RIC3: variants seen among roughly 807,000 people sequenced by gnomAD.
RIC3 encodes the protein RIC3 acetylcholine receptor chaperone.
A neutral mutation model predicts 27.3 loss-of-function variants in RIC3; 28 were observed. The observed-to-expected ratio is 1.02, with a 90% CI of 0.76 to 1.41. The LOEUF is 1.41. Ranked by LOEUF, RIC3 falls within the 40% of genes most tolerant of loss-of-function variation. The probability of loss-of-function intolerance (pLI) is 0.00; values close to 1 mark genes in which losing one functional copy is unlikely to be tolerated. For missense variants in RIC3, 501 were observed against 444.7 expected (o/e 1.13, Z -1.14); for synonymous variants, 184 against 160.4 (o/e 1.15, Z -1.11).
intron 5 of RIC3, among the ~76,000 whole-genome samples, chr11:8,113,222 A>G (rs1350483200): frequency 6.6e-6 from 1 of 152,226 alleles, no homozygotes; most frequent in Non-Finnish European, 1.5e-5. Flanking sequence ...GCTTAAAAGA[A>G]GTCCATTTGC....
At chr11:8,126,577 T>C in intron 5 of RIC3, 82 bp downstream of exon 5, 1 of 1,525,788 alleles carries the variant, frequency 6.6e-7, no homozygotes, top group African/African-American at 1.4e-5. Context: ...TATACCTCAA[T>C]AATGAAGCTG....
At chr11:8,163,950 C>T (rs187127354) in intron 1 of RIC3, among the ~76,000 whole-genome samples, 8 of 152,096 alleles carry the variant, frequency 5.3e-5, no homozygotes, top group Admixed American at 4.6e-4. Context: ...GATTTCATAA[C>T]TTAGAAAACT....
intron 3 of RIC3, among the ~76,000 whole-genome samples, chr11:8,137,982 C>T (rs1051087165): frequency 7.9e-5 from 12 of 152,166 alleles, no homozygotes; most frequent in Admixed American, 5.9e-4. Context: ...TCTCTGCCTC[C>T]ATTTTGCTCT....
the RIC3 span, chr11:8,098,945 A>G: frequency 1.3e-5 from 15 of 1,134,646 alleles, no homozygotes; most frequent in Admixed American, 3.4e-5. Flanking sequence ...TGCCTGATCT[A>G]GGGGCTATCC....
downstream of RIC3, chr11:8,101,846 T>C (rs1944322035): frequency 2.0e-6 from 1 of 503,056 alleles, no homozygotes; most frequent in South Asian, 3.5e-5. Flanking sequence ...ATGAGAATAA[T>C]TCTTTCCATG....
chr11:8,128,109 A>C, intron 4 of RIC3: 1 of 444,736 alleles, frequency 2.2e-6, no homozygotes, highest in South Asian at 1.6e-5. Context: ...CCATCAGTAC[A>C]GGAGTCCTGA....
chr11:8,110,715 G>T lies in RIC3; in HGVS notation c.1093C>A (p.Pro365Thr), dbSNP rs1003595552. 6.2e-7 allele frequency: 1 copy of T among 1,614,154 alleles called. No individual in the cohort carries two copies. The highest frequency in any genetic ancestry group is 8.5e-7 in the Non-Finnish European group (1 of 1,180,002). Reference sequence around the variant, plus strand: ...GGCTGTTTTCACTCTAAACCCTGGGGGTTACGCTTCCTCAGCATGCTGCCT... The same window carrying T: ...GGCTGTTTTCACTCTAAACCCTGGGTGTTACGCTTCCTCAGCATGCTGCCT... ...YTGSMLRKRN[P>T]QGLE The change falls in exon 6 of 6, where the codon CCC becomes ACC. Residue 365 changes from proline (P) to threonine (T), a missense_variant. Coordinates refer to ENST00000309737, the MANE Select transcript of RIC3 (RefSeq NM_001206671.4).
chr11:8,118,316 G>A (rs1946090493), intron 5 of RIC3, among the ~76,000 whole-genome samples: 1 of 150,680 alleles, frequency 6.6e-6, no homozygotes, highest in African/African-American at 2.4e-5. Context: ...TTCAAAATGA[G>A]GGAACAAAAC....
intron 1 of RIC3, among the ~76,000 whole-genome samples, chr11:8,142,028 T>C (rs1949133883): frequency 6.7e-6 from 1 of 149,398 alleles, no homozygotes; most frequent in South Asian, 2.2e-4. Context: ...TTCAAAGCAG[T>C]GTGTAGAGGG....
intron 1 of RIC3, among the ~76,000 whole-genome samples, chr11:8,163,579 G>C (rs964946535): frequency 6.6e-6 from 1 of 151,506 alleles, no homozygotes; most frequent in Non-Finnish European, 1.5e-5. Flanking sequence ...TATACACTAA[G>C]GAACAATCTG....
Position 8,108,339 on chromosome 11 carries a change from C to G in RIC3, c.*2359G>C, listed in dbSNP as rs575704555. On this transcript the variant is annotated 3_prime_UTR_variant, in exon 6 of 6. Coordinates refer to ENST00000309737, the MANE Select transcript of RIC3 (RefSeq NM_001206671.4). ...GTTCTTTGCATGCCTCAAGGCCCAC[C>G]TCCCAAGAAACTGTGAAGTTTCTTG... is the stretch of plus-strand genomic sequence containing the variant. 6 of 152,178 alleles carry G rather than the reference C, an allele frequency of 3.9e-5. No homozygotes were observed. The highest frequency in any genetic ancestry group is 1.4e-4 in the African/African-American group (6 of 41,446). The allele number at this position is 152,178 out of a possible 1,614,324, so 9.4% of individuals were successfully genotyped here. A position where few individuals can be genotyped will look rare whatever the true frequency, so the allele number is the denominator to read the frequency against.
rs1944694778 is a variant in RIC3 at position 8,106,645 on chromosome 11, G to C, written c.*4053C>G. The C allele has an allele frequency of 6.6e-6, 1 of 151,782 alleles. No individual in the cohort carries two copies. The allele number at this position is 151,782 out of a possible 1,614,324, so 9.4% of individuals were successfully genotyped here. On this transcript the variant is annotated 3_prime_UTR_variant, in exon 6 of 6. Transcript: ENST00000309737. ...CCACTTGATGTCTCAGGGCTTGCTTGGACCCTAACCCATTTAAACAGGACC... is the reference window on the plus strand; with the variant it reads ...CCACTTGATGTCTCAGGGCTTGCTTCGACCCTAACCCATTTAAACAGGACC...
rs72265360 is a variant in RIC3, at chr11:8,139,636, A to ATTTT, written c.351+327_351+330dup. The ATTTT allele has an allele frequency of 1.4e-3, 126 of 92,572 alleles. 9 individuals are homozygous for ATTTT. Among genetic ancestry groups the ATTTT allele is most frequent in the South Asian group, 3.0e-3 (10 of 3,370 alleles). 5.7% of individuals were successfully genotyped at this position (92,572 alleles called of 1,614,324 possible). A position where few individuals can be genotyped will look rare whatever the true frequency, so the allele number is the denominator to read the frequency against. ...TCCTTTTCGGCCTGTAAAGATGTTAATTTTTTTTTTTTTTTTTTTTTTTTT... is the reference window on the plus strand; with the variant it reads ...TCCTTTTCGGCCTGTAAAGATGTTAATTTTTTTTTTTTTTTTTTTTTTTTTTTTT... On this transcript the variant is annotated intron_variant, in intron 2 of 5. Coordinates refer to ENST00000309737, the MANE Select transcript of RIC3 (RefSeq NM_001206671.4).
chr11:8,143,727 C>A (rs1229710868), intron 1 of RIC3, among the ~76,000 whole-genome samples: 1 of 152,100 alleles, frequency 6.6e-6, no homozygotes, highest in East Asian at 1.9e-4. Flanking sequence ...CCAAGGCAAT[C>A]CTAAGCCAAA....
At chr11:8,147,234 C>T (rs1043004917) in intron 1 of RIC3, among the ~76,000 whole-genome samples, 1 of 152,214 alleles carries the variant, frequency 6.6e-6, no homozygotes, top group Non-Finnish European at 1.5e-5. Context: ...ATTGATGTCT[C>T]ATGTCTCCCT....
intron 4 of RIC3, among the ~76,000 whole-genome samples, chr11:8,136,527 C>A (rs984002623): frequency 6.6e-6 from 1 of 152,212 alleles, no homozygotes; most frequent in South Asian, 2.1e-4. Context: ...CCACTTCTAT[C>A]AACCTCCTGA....
At chr11:8,150,445 G>A (rs1250778810) in intron 1 of RIC3, among the ~76,000 whole-genome samples, 1 of 152,146 alleles carries the variant, frequency 6.6e-6, no homozygotes, top group Non-Finnish European at 1.5e-5. Context: ...AAGGCTTACT[G>A]TTAGGGAACA....
At chr11:8,133,327 T>C (rs1014226300) in intron 4 of RIC3, among the ~76,000 whole-genome samples, 1 of 152,202 alleles carries the variant, frequency 6.6e-6, no homozygotes, top group Non-Finnish European at 1.5e-5. Context: ...GGTATTCAGT[T>C]ATACCAACAG....
intron 4 of RIC3, among the ~76,000 whole-genome samples, chr11:8,130,241 G>A (rs1190687895): frequency 6.6e-6 from 1 of 151,636 alleles, no homozygotes; most frequent in African/African-American, 2.4e-5. Context: ...CTTGACTGCA[G>A]GGATTGATTC....
Sources: gnomAD v4.1 joint callset for allele counts (sites outside exome capture counted in the v4.1 genomes callset) on GRCh38, gnomAD v4.1.1 for gene constraint, MANE v1.5 for transcripts, NCBI Gene and HGNC (gene_info 2026-07-23, HGNC 2026-07-21) for gene names.